The following FSTL5 variants were observed in gnomAD, a reference collection of about 807,000 sequenced individuals.
The protein encoded by FSTL5 is follistatin like 5.
In FSTL5, 62 loss-of-function variants were observed where a neutral mutation model predicts 89.1. The observed-to-expected ratio is 0.70, with a 90% confidence interval of 0.57 to 0.86. The LOEUF is 0.86. Among genes scored for constraint, FSTL5 ranks in the 40% least tolerant of loss-of-function variants. FSTL5 has a pLI of 0.00. For missense variants in FSTL5, 1,057 were observed against 1,001.6 expected (o/e 1.06, Z -0.75); for synonymous variants, 383 against 346.2 (o/e 1.11, Z -1.18).
chr4:161,491,523 A>T (rs1481721760), intron 12 of FSTL5, among the ~76,000 whole-genome samples: 2 of 151,918 alleles, frequency 1.3e-5, no homozygotes, highest in Non-Finnish European at 2.9e-5. Context: ...CTTCTTTTTC[A>T]GGATGGAAGC....
At chr4:161,766,179 C>G (rs1187905648) in intron 5 of FSTL5, among the ~76,000 whole-genome samples, 1 of 152,168 alleles carries the variant, frequency 6.6e-6, no homozygotes. Context: ...CTCAACGCAG[C>G]TGCTTATCTA....
chr4:161,403,095 C>T (rs1731237611), intron 15 of FSTL5, among the ~76,000 whole-genome samples: 1 of 152,176 alleles, frequency 6.6e-6, no homozygotes, highest in South Asian at 2.1e-4. Flanking sequence ...TCCCAAAGTG[C>T]TGGGATTACA....
rs373020522 is a variant in FSTL5 at position 161,620,761 on chromosome 4, C to T, written c.895-33186G>A. 7.9e-5 allele frequency among the ~76,000 whole-genome samples: 12 copies of T among 152,194 alleles called. No individual in the cohort carries two copies. The East Asian group carries it at 1.5e-3, about 20-fold the overall frequency. On this transcript the variant is annotated intron_variant, in intron 7 of 15. Transcript: ENST00000306100. ...TTAGATATACAGAAATGAATAAAGA[C>T]ACTCAAAATGGTAAATATGTAGGTA...
intron 3 of FSTL5, among the ~76,000 whole-genome samples, chr4:162,029,811 C>A (rs937511936): frequency 6.6e-6 from 1 of 151,728 alleles, no homozygotes; most frequent in African/African-American, 2.4e-5. Flanking sequence ...TAACAGTATG[C>A]TAAATGTACC....
intron 2 of FSTL5, among the ~76,000 whole-genome samples, chr4:162,100,279 G>C (rs968495139): frequency 6.6e-6 from 1 of 152,176 alleles, no homozygotes; most frequent in African/African-American, 2.4e-5. Flanking sequence ...ACATAGAGGA[G>C]GCCGGGTACG....
At chr4:162,060,434 T>A (rs1179507199) in intron 2 of FSTL5, among the ~76,000 whole-genome samples, 2 of 152,034 alleles carry the variant, frequency 1.3e-5, no homozygotes, top group Non-Finnish European at 2.9e-5. Flanking sequence ...ATGATTAGAA[T>A]AAAGTTAGTT....
intron 4 of FSTL5, among the ~76,000 whole-genome samples, chr4:161,873,490 T>G (rs1025262276): frequency 6.0e-5 from 9 of 150,468 alleles, no homozygotes; most frequent in Non-Finnish European, 1.3e-4. Flanking sequence ...AGTTCCTTCC[T>G]TCCTTCCTTC....
chr4:161,900,240 T>C (rs758756170), intron 4 of FSTL5, among the ~76,000 whole-genome samples: 1 of 151,572 alleles, frequency 6.6e-6, no homozygotes, highest in South Asian at 2.1e-4. Flanking sequence ...ACACAGTAGC[T>C]GAACAAGCAT....
chr4:162,146,770 C>CTCTT (rs1443947561), intron 1 of FSTL5, among the ~76,000 whole-genome samples: 1 of 142,856 alleles, frequency 7.0e-6, no homozygotes, highest in African/African-American at 2.6e-5. Context: ...CTCTCTCTCT[C>CTCTT]TCTTTCTTTC....
chr4:161,906,544 C>T (rs1284153459), intron 4 of FSTL5, among the ~76,000 whole-genome samples: 7 of 152,118 alleles, frequency 4.6e-5, no homozygotes, highest in Non-Finnish European at 7.4e-5. Context: ...AAAAACCACT[C>T]TGTAAGGATG....
At chr4:161,523,313 C>T (rs898175796) in intron 10 of FSTL5, among the ~76,000 whole-genome samples, 1 of 152,088 alleles carries the variant, frequency 6.6e-6, no homozygotes, top group Admixed American at 6.6e-5. Flanking sequence ...CAAACCTGTA[C>T]CAGTCTTATG....
intron 10 of FSTL5, among the ~76,000 whole-genome samples, chr4:161,518,297 G>A (rs953424144): frequency 6.6e-6 from 1 of 152,094 alleles, no homozygotes; most frequent in African/African-American, 2.4e-5. Context: ...ATATTCTTTT[G>A]GGAGGTAACT....
chr4:161,920,658 GAATTAAAAAAA>G lies in FSTL5; in HGVS notation c.161-17_161-7del, dbSNP rs751852223. On this transcript the variant is annotated splice_region_variant and splice_polypyrimidine_tract_variant and intron_variant, in intron 3 of 15. Coordinates refer to ENST00000306100, the MANE Select transcript of FSTL5 (RefSeq NM_020116.5). ...GCCATCCTGAATCATAAATCCTGAAGAATTAAAAAAAAATTGAAAATCGTTTGGTTCATTTG... is the reference window on the plus strand; with the variant it reads ...GCCATCCTGAATCATAAATCCTGAAGAATTGAAAATCGTTTGGTTCATTTG... The G allele has an allele frequency of 6.8e-7, 1 of 1,472,206 alleles. No individual in the cohort carries two copies. The allele number at this position is 1,472,206 out of a possible 1,614,324, so 91.2% of individuals were successfully genotyped here.
At chr4:162,136,356 A>C (rs1422326481) in intron 1 of FSTL5, among the ~76,000 whole-genome samples, 8 of 152,072 alleles carry the variant, frequency 5.3e-5, no homozygotes, top group Admixed American at 2.6e-4. Context: ...GATCAGTCTG[A>C]AGGATTCACA....
At chr4:161,786,533 C>T (rs1030332606) in intron 4 of FSTL5, among the ~76,000 whole-genome samples, 1 of 152,044 alleles carries the variant, frequency 6.6e-6, no homozygotes, top group Non-Finnish European at 1.5e-5. Flanking sequence ...TCAGTCATAG[C>T]CTGGATGCTA....
At chr4:162,070,561 C>T (rs574793977) in intron 2 of FSTL5, among the ~76,000 whole-genome samples, 18 of 151,748 alleles carry the variant, frequency 1.2e-4, no homozygotes, top group African/African-American at 3.9e-4. Context: ...TTTTATTCTT[C>T]GACATATATA....
At chr4:161,772,827 C>G (rs1402771694) in intron 5 of FSTL5, among the ~76,000 whole-genome samples, 1 of 151,906 alleles carries the variant, frequency 6.6e-6, no homozygotes, top group African/African-American at 2.4e-5. Flanking sequence ...TCATTCTTCA[C>G]AGAACTGGAA....
chr4:161,594,237 C>T (rs937121592), intron 7 of FSTL5, among the ~76,000 whole-genome samples: 1 of 151,926 alleles, frequency 6.6e-6, no homozygotes, highest in East Asian at 1.9e-4. Flanking sequence ...TTTCAACGGA[C>T]AAGAATAATT....
chr4:161,721,849 G>A (rs1739230191), intron 6 of FSTL5, among the ~76,000 whole-genome samples: 1 of 152,162 alleles, frequency 6.6e-6, no homozygotes, highest in Admixed American at 6.5e-5. Context: ...GATTATACAA[G>A]AAATTAGTGA....
Sources: gnomAD v4.1 joint callset for allele counts (sites outside exome capture counted in the v4.1 genomes callset) on GRCh38, gnomAD v4.1.1 for gene constraint, MANE v1.5 for transcripts, NCBI Gene and HGNC (gene_info 2026-07-23, HGNC 2026-07-21) for gene names.